NUP133: variants seen among roughly 807,000 people sequenced by gnomAD.
NUP133 encodes nucleoporin 133.
In NUP133, 66 loss-of-function variants were observed where a neutral mutation model predicts 146.2. That is an observed-to-expected ratio of 0.45 (90% CI 0.37 to 0.55). NUP133 has a LOEUF of 0.55. Among genes scored for constraint, NUP133 ranks in the 20% least tolerant of loss-of-function variants. NUP133 has a pLI of 0.00. For missense variants in NUP133, 1,277 were observed against 1,374.8 expected (o/e 0.93, Z 1.12); for synonymous variants, 521 against 498.8 (o/e 1.04, Z -0.59).
chr1:229,455,284 T>C (rs1270543947), intron 21 of NUP133, among the ~76,000 whole-genome samples: 2 of 152,170 alleles, frequency 1.3e-5, no homozygotes, highest in Non-Finnish European at 2.9e-5. Context: ...CCAGGCTGGG[T>C]GTGGTGGCTC....
intron 15 of NUP133, among the ~76,000 whole-genome samples, chr1:229,469,988 T>TG (rs1660917258): frequency 6.6e-6 from 1 of 152,002 alleles, no homozygotes; most frequent in Non-Finnish European, 1.5e-5. Flanking sequence ...ATTGCACTGT[T>TG]GCACTCCAGC....
intron 2 of NUP133, among the ~76,000 whole-genome samples, chr1:229,505,074 C>T (rs148540278): frequency 1.3e-5 from 2 of 152,256 alleles, no homozygotes; most frequent in African/African-American, 4.8e-5. Flanking sequence ...CATCAGCTAT[C>T]GTAAGTGTAT....
At chr1:229,462,369 A>G (rs1163023652) in intron 19 of NUP133, among the ~76,000 whole-genome samples, 1 of 152,168 alleles carries the variant, frequency 6.6e-6, no homozygotes, top group Non-Finnish European at 1.5e-5. Flanking sequence ...ATATAAACCA[A>G]ATGCTTAAAA....
intron 8 of NUP133, among the ~76,000 whole-genome samples, chr1:229,494,363 G>A (rs891470266): frequency 4.6e-5 from 7 of 152,164 alleles, no homozygotes; most frequent in Non-Finnish European, 1.0e-4. Context: ...AACAGTCCAA[G>A]AGAGAGACAA....
intron 24 of NUP133, among the ~76,000 whole-genome samples, chr1:229,448,166 C>T (rs1358032985): frequency 3.3e-5 from 5 of 152,226 alleles, no homozygotes; most frequent in South Asian, 2.1e-4. Flanking sequence ...TGGTGGCTCA[C>T]GCCTGTAATC....
chr1:229,497,944 G>C (rs1379046806), intron 6 of NUP133, among the ~76,000 whole-genome samples, 192 bp downstream of exon 6: 1 of 152,192 alleles, frequency 6.6e-6, no homozygotes, highest in African/African-American at 2.4e-5. Context: ...AAAGATTTTA[G>C]TGTTACAAGT....
intron 12 of NUP133, among the ~76,000 whole-genome samples, chr1:229,479,143 G>C (rs572486603): frequency 6.6e-6 from 1 of 152,236 alleles, no homozygotes; most frequent in South Asian, 2.1e-4. Context: ...GTATACACAG[G>C]GGATTAGTTA....
intron 1 of NUP133, among the ~76,000 whole-genome samples, chr1:229,507,360 T>C (rs535178458): frequency 2.0e-5 from 3 of 152,324 alleles, no homozygotes; most frequent in African/African-American, 7.2e-5. Context: ...TCATTTTTTA[T>C]AGATGAATTC....
intron 6 of NUP133, among the ~76,000 whole-genome samples, chr1:229,497,336 C>T (rs551687826): frequency 6.6e-6 from 1 of 152,178 alleles, no homozygotes; most frequent in East Asian, 1.9e-4. Context: ...GTGCTCTTAA[C>T]AAAAACAGGT....
chr1:229,470,749 G>T lies in NUP133; in HGVS notation c.1907C>A (p.Thr636Asn). ...SFPVRGTPMA[T>N]RLLLCEHAEK... ...GGCATGCTCACAGAGCAACAGTCGA[G>T]TGGCCATCGGTGTCCCTCTAACTGG... The change falls in exon 15 of 26, where the codon ACT becomes AAT. Residue 636 changes from threonine to asparagine, a missense_variant. Around this residue, in one of 3 missense-constraint regions of NUP133, gnomAD observed 952 missense variants for 1,047.0 expected, o/e 0.91. Coordinates refer to ENST00000261396, the MANE Select transcript of NUP133 (RefSeq NM_018230.3). The T allele has an allele frequency of 6.2e-7, 1 of 1,614,232 alleles. No homozygotes were observed. The highest frequency in any genetic ancestry group is 8.5e-7 in the Non-Finnish European group (1 of 1,180,052).
chr1:229,488,767 G>T (rs2102776519), intron 9 of NUP133, among the ~76,000 whole-genome samples: 1 of 152,134 alleles, frequency 6.6e-6, no homozygotes, highest in African/African-American at 2.4e-5. Context: ...GAGACCAGGA[G>T]TTGGAGGCTA....
intron 4 of NUP133, among the ~76,000 whole-genome samples, chr1:229,500,335 A>G (rs1157890176): frequency 6.6e-6 from 1 of 152,162 alleles, no homozygotes; most frequent in Non-Finnish European, 1.5e-5. Flanking sequence ...GTTTTCTTCT[A>G]AAAGTTTTAC....
intron 15 of NUP133, among the ~76,000 whole-genome samples, chr1:229,467,973 C>T (rs902729671): frequency 1.3e-4 from 20 of 149,526 alleles, no homozygotes; most frequent in African/African-American, 4.9e-4. Flanking sequence ...CAGAAAATAA[C>T]ATAAAAGCAC....
rs2102741834 is a variant in NUP133 at position 229,441,442 on chromosome 1, C to T, written c.*462G>A. 1.9e-6 allele frequency: 1 copy of T among 532,550 alleles called. No homozygotes were observed. The highest frequency in any genetic ancestry group is 1.9e-5 in the African/African-American group (1 of 52,076). The allele number at this position is 532,550 out of a possible 1,614,324, so 33.0% of individuals were successfully genotyped here. ...TAAGTCAGCAAAAGTTGACATTTATCTTACTAGACATTTCCCATTAGCCCT... is the reference window on the plus strand; with the variant it reads ...TAAGTCAGCAAAAGTTGACATTTATTTTACTAGACATTTCCCATTAGCCCT... On this transcript the variant is annotated 3_prime_UTR_variant, in exon 26 of 26. Transcript: ENST00000261396.
intron 15 of NUP133, among the ~76,000 whole-genome samples, chr1:229,467,251 CCTTT>C (rs1660846659): frequency 6.6e-6 from 1 of 152,190 alleles, no homozygotes; most frequent in African/African-American, 2.4e-5. Context: ...TCTAACTCTT[CCTTT>C]GTCATTAATT....
rs1558107260 is a variant in NUP133 at position 229,496,004 on chromosome 1, CT to C, written c.862del (p.Ser288AlafsTer2). On this transcript the variant is annotated frameshift_variant, in exon 7 of 26. Transcript: ENST00000261396. LOFTEE classifies it high-confidence loss of function. ...TTTACTGATGTTTGAACTCGTCAGG[CT>C]ATAAAAGCTTGATCTCTCTCTATCC... ...LWDRERSSFY[S>X]LTSSNISKWE... 1 of 1,607,738 alleles carries C rather than the reference CT, an allele frequency of 6.2e-7. No homozygotes were observed. The highest frequency in any genetic ancestry group is 2.2e-5 in the East Asian group (1 of 44,684).
chr1:229,502,115 A>G lies in NUP133; in HGVS notation c.302-13T>C, dbSNP rs1463294474. On this transcript the variant is annotated splice_polypyrimidine_tract_variant and intron_variant, in intron 2 of 25. Transcript: ENST00000261396. ...AGCTGGTCATCGACTAAAGGAAAAA[A>G]TGAGGTGGGTGATTAATCTTATAGT... 6.3e-7 allele frequency: 1 copy of G among 1,585,696 alleles called. No homozygotes were observed. The highest frequency in any genetic ancestry group is 1.7e-5 in the Admixed American group (1 of 59,922).
Position 229,460,692 on chromosome 1 carries a change from C to T in NUP133, c.2763G>A (p.Gln921=), listed in dbSNP as rs1255028249. ...RGKLLSQPIS[Q]HGQLANFLQA... ...GCAAAAAATTTGCCAACTGTCCATG[C>T]TGAGAAATGGGCTGAGATAATAATT... The change falls in exon 20 of 26, where the codon CAG becomes CAA. Residue 921 remains glutamine, a synonymous_variant. Transcript: ENST00000261396. 1.2e-6 allele frequency: 2 copies of T among 1,613,948 alleles called. No individual in the cohort carries two copies. The highest frequency in any genetic ancestry group is 2.7e-5 in the African/African-American group (2 of 74,926).
Position 229,463,659 on chromosome 1 carries a change from G to A in NUP133, c.2569C>T (p.Leu857=), listed in dbSNP as rs372600439. ...TTCTCTGCTAGAGAAGCAGCCCACA[G>A]GTACTGGCCTAGTGAAACTGTGGGA... ...LSPLLSLGQY[L]WAASLAEKYC... The change falls in exon 19 of 26, where the codon CTG becomes TTG. Residue 857 remains leucine (L), a synonymous_variant. Transcript: ENST00000261396. 1.1e-5 allele frequency: 18 copies of A among 1,612,464 alleles called. No homozygotes were observed. The South Asian group carries it at 1.9e-4, about 17-fold the overall frequency.
Sources: gnomAD v4.1 joint callset for allele counts (sites outside exome capture counted in the v4.1 genomes callset) on GRCh38, gnomAD v4.1.1 for gene constraint, gnomAD v4.1.1 regional missense constraint, MANE v1.5 for transcripts, NCBI Gene and HGNC (gene_info 2026-07-23, HGNC 2026-07-21) for gene names.